L3MBTL4: variants seen among roughly 807,000 people sequenced by gnomAD.
L3MBTL4 encodes lethal(3)malignant brain tumor-like protein 4.
In L3MBTL4, 70 loss-of-function variants were observed where a neutral mutation model predicts 84.5. The observed-to-expected ratio is 0.83, with a 90% confidence interval of 0.68 to 1.01. The LOEUF (loss-of-function observed/expected upper bound fraction) is 1.01. L3MBTL4 is among the 50% of genes least tolerant of loss of function. The pLI is 0.00. For missense variants in L3MBTL4, 715 were observed against 754.8 expected (o/e 0.95, Z 0.62); for synonymous variants, 274 against 259.8 (o/e 1.05, Z -0.52).
intron 1 of L3MBTL4, among the ~76,000 whole-genome samples, chr18:6,408,335 A>G (rs531655437): frequency 3.9e-5 from 6 of 152,370 alleles, no homozygotes; most frequent in Admixed American, 3.9e-4. Flanking sequence ...TCTAATTAAA[A>G]GTAGAGTACA....
intron 16 of L3MBTL4, among the ~76,000 whole-genome samples, chr18:6,045,563 G>A (rs1237978742): frequency 2.6e-5 from 4 of 152,156 alleles, no homozygotes; most frequent in Non-Finnish European, 4.4e-5. Context: ...AAGACGGTTT[G>A]TGCAGGGAAT....
chr18:6,167,527 G>A (rs994477570), intron 13 of L3MBTL4, among the ~76,000 whole-genome samples: 4 of 152,082 alleles, frequency 2.6e-5, no homozygotes, highest in South Asian at 2.1e-4. Flanking sequence ...TTCAACATAC[G>A]CAAATCAATA....
chr18:6,412,681 G>A (rs368904723), intron 1 of L3MBTL4, among the ~76,000 whole-genome samples: 1 of 151,954 alleles, frequency 6.6e-6, no homozygotes, highest in Non-Finnish European at 1.5e-5. Context: ...GCTCACATAC[G>A]GACTCGGTCC....
At chr18:6,089,052 A>G (rs1030024294) in intron 15 of L3MBTL4, among the ~76,000 whole-genome samples, 5 of 152,174 alleles carry the variant, frequency 3.3e-5, no homozygotes, top group Non-Finnish European at 5.9e-5. Flanking sequence ...GAATTAGAAT[A>G]TATTAAACAA....
chr18:6,144,178 AGAGT>A (rs1030983169), intron 13 of L3MBTL4, among the ~76,000 whole-genome samples: 1 of 140,788 alleles, frequency 7.1e-6, no homozygotes, highest in Non-Finnish European at 1.5e-5. Context: ...CCTGGGCGAC[AGAGT>A]GAGACTCCAT....
At chr18:6,289,652 C>T (rs1014925973) in intron 4 of L3MBTL4, among the ~76,000 whole-genome samples, 6 of 152,134 alleles carry the variant, frequency 3.9e-5, no homozygotes, top group Admixed American at 2.0e-4. Context: ...TCAGCTTGTT[C>T]TCCCCTTGAG....
At chr18:5,958,054 AG>A (rs1425645919) in intron 18 of L3MBTL4, among the ~76,000 whole-genome samples, 2 of 132,828 alleles carry the variant, frequency 1.5e-5, no homozygotes, top group African/African-American at 6.3e-5. Context: ...GAGAAGGAGA[AG>A]GAGAAGGAGA....
At chr18:6,413,729 C>T (rs1306178301) in intron 1 of L3MBTL4, among the ~76,000 whole-genome samples, 1 of 152,138 alleles carries the variant, frequency 6.6e-6, no homozygotes, top group African/African-American at 2.4e-5. Context: ...GAAGTGAGAG[C>T]GAGTCTTCAG....
At chr18:6,327,126 T>C (rs1183147653) in intron 1 of L3MBTL4, among the ~76,000 whole-genome samples, 1 of 152,186 alleles carries the variant, frequency 6.6e-6, no homozygotes, top group Non-Finnish European at 1.5e-5. Context: ...TCACCAAGTG[T>C]TGAAGCGAGT....
chr18:6,067,716 G>T (rs1158889278), intron 16 of L3MBTL4, among the ~76,000 whole-genome samples: 1 of 151,702 alleles, frequency 6.6e-6, no homozygotes, highest in Non-Finnish European at 1.5e-5. Context: ...ATTTCTTTAT[G>T]TTGTTTTTTA....
At chr18:6,377,645 C>T (rs1203368711) in intron 1 of L3MBTL4, among the ~76,000 whole-genome samples, 2 of 152,190 alleles carry the variant, frequency 1.3e-5, no homozygotes, top group Admixed American at 1.3e-4. Context: ...CTGCAAAGGA[C>T]ATGAACACAT....
chr18:6,263,023 C>A (rs2146369156), intron 5 of L3MBTL4, among the ~76,000 whole-genome samples: 1 of 152,282 alleles, frequency 6.6e-6, no homozygotes, highest in South Asian at 2.1e-4. Context: ...CCTGTAATCC[C>A]CGGCACTTTG....
chr18:6,344,206 G>A (rs1036576622), intron 1 of L3MBTL4, among the ~76,000 whole-genome samples: 5 of 151,938 alleles, frequency 3.3e-5, no homozygotes, highest in South Asian at 2.1e-4. Context: ...AATGAAATAA[G>A]AGACATTACA....
chr18:6,352,240 G>A (rs1011291693), intron 1 of L3MBTL4, among the ~76,000 whole-genome samples: 1 of 152,062 alleles, frequency 6.6e-6, no homozygotes, highest in Non-Finnish European at 1.5e-5. Flanking sequence ...AACACATCAT[G>A]ATCATTTCAC....
intron 16 of L3MBTL4, among the ~76,000 whole-genome samples, chr18:6,041,274 G>A (rs1182401531): frequency 6.6e-6 from 1 of 152,152 alleles, no homozygotes; most frequent in Non-Finnish European, 1.5e-5. Flanking sequence ...CTACCTTACT[G>A]CCCAGGTGAG....
At chr18:6,255,936 A>G (rs1375370882) in intron 5 of L3MBTL4, among the ~76,000 whole-genome samples, 2 of 152,238 alleles carry the variant, frequency 1.3e-5, no homozygotes, top group African/African-American at 2.4e-5. Flanking sequence ...CATGGTCATC[A>G]TTTGGCTTAT....
intron 4 of L3MBTL4, among the ~76,000 whole-genome samples, chr18:6,295,348 A>C (rs565370): frequency 0.32 from 22,330 of 68,740 alleles, 2,060 homozygotes; most frequent in Non-Finnish European, 0.38. Context: ...CTCTCTCTCT[A>C]TATATATATA....
At chr18:6,243,998 A>G (rs1221853800) in intron 6 of L3MBTL4, among the ~76,000 whole-genome samples, 2 of 152,228 alleles carry the variant, frequency 1.3e-5, no homozygotes, top group Non-Finnish European at 2.9e-5. Flanking sequence ...TATCAGAAAT[A>G]TAAAGATCTT....
chr18:6,192,776 C>T (rs763959504), intron 12 of L3MBTL4, among the ~76,000 whole-genome samples: 12 of 151,764 alleles, frequency 7.9e-5, no homozygotes, highest in Admixed American at 4.6e-4. Flanking sequence ...TGCCTCACTC[C>T]GGGAGGCAGG....
Sources: allele counts gnomAD v4.1 joint callset (sites outside exome capture counted in the v4.1 genomes callset), GRCh38; gene constraint gnomAD v4.1.1; transcripts MANE v1.5; gene names NCBI Gene and HGNC (gene_info 2026-07-23, HGNC 2026-07-21).